The following WDR72 variants were observed in gnomAD, a reference collection of about 807,000 sequenced individuals.
The protein encoded by WDR72 is WD repeat-containing protein 72.
In WDR72, 120 loss-of-function variants were observed where a neutral mutation model predicts 124.2. The observed-to-expected ratio is 0.97, with a 90% CI of 0.83 to 1.12. The LOEUF (loss-of-function observed/expected upper bound fraction) is 1.12, where lower values mean the gene tolerates loss of function less well. Ranked by LOEUF, WDR72 falls within the 50% of genes most tolerant of loss-of-function variation. The pLI, the probability that WDR72 is intolerant of heterozygous loss-of-function variation, is 0.00. For missense variants in WDR72, 1,387 were observed against 1,278.8 expected (o/e 1.08, Z -1.29); for synonymous variants, 452 against 441.7 (o/e 1.02, Z -0.29).
rs2017672510 is a variant in WDR72, at chr15:53,715,336, TCTC to T, written c.368_370del (p.Gly123del). ...TTCTCCACAACAAAGAAGCCAGCCT[TCTC>T]CTGTCATCCGGAATGAGCAGTGGTA... On this transcript the variant is annotated inframe_deletion, in exon 5 of 20. Transcript: ENST00000360509. The T allele has an allele frequency of 6.2e-7, 1 of 1,614,134 alleles. No homozygotes were observed. The highest frequency in any genetic ancestry group is 1.3e-5 in the African/African-American group (1 of 75,040).
rs1018596974 is a variant in WDR72 at position 53,665,708 on chromosome 15, T to C, written c.1826A>G (p.Asp609Gly). ...RARIILNCCD[D>G]SQLVKSVLPI... ...AAGTACAGACTTCACAAGCTGTGAA[T>C]CATCACAACAATTAAGAATAATTCG... is the stretch of plus-strand genomic sequence containing the variant. The change falls in exon 14 of 20, where the codon GAT becomes GGT. Residue 609 changes from aspartate to glycine, a missense_variant. Physicochemically the swap from Asp to Gly is moderately conservative, Grantham distance 94. Coordinates refer to ENST00000360509, the MANE Select transcript of WDR72 (RefSeq NM_182758.4). 1.2e-6 allele frequency: 2 copies of C among 1,613,950 alleles called. No homozygotes were observed. Among genetic ancestry groups the C allele is most frequent in the Non-Finnish European group, 1.7e-6 (2 of 1,179,880 alleles).
At chr15:53,626,872 A>G (rs2014232727) in intron 14 of WDR72, among the ~76,000 whole-genome samples, 1 of 152,222 alleles carries the variant, frequency 6.6e-6, no homozygotes, top group Admixed American at 6.5e-5. Context: ...CTACAACCAT[A>G]AAATAGATTG....
intron 2 of WDR72, among the ~76,000 whole-genome samples, chr15:53,728,481 G>T (rs559404853): frequency 2.0e-5 from 3 of 152,144 alleles, no homozygotes; most frequent in Non-Finnish European, 4.4e-5. Context: ...CATTTCACAG[G>T]TGAGGAAATT....
intron 17 of WDR72, among the ~76,000 whole-genome samples, chr15:53,600,999 A>T (rs187055938): frequency 8.5e-4 from 130 of 152,186 alleles, no homozygotes; most frequent in Admixed American, 1.7e-3. Context: ...TCTTCCCCCA[A>T]CCTTAAAGGT....
intron 1 of WDR72, among the ~76,000 whole-genome samples, chr15:53,746,372 A>C (rs1426505194): frequency 6.6e-6 from 1 of 152,172 alleles, no homozygotes; most frequent in African/African-American, 2.4e-5. Flanking sequence ...CCAACCTCAC[A>C]AACATAGACA....
intron 13 of WDR72, among the ~76,000 whole-genome samples, chr15:53,687,054 T>C (rs1012298663): frequency 6.6e-6 from 1 of 150,808 alleles, no homozygotes; most frequent in Admixed American, 6.6e-5. Context: ...TGGGACGCAT[T>C]CAAAGCACTG....
intron 1 of WDR72, among the ~76,000 whole-genome samples, chr15:53,737,067 G>A (rs1193540620): frequency 6.7e-6 from 1 of 148,418 alleles, no homozygotes; most frequent in Non-Finnish European, 1.5e-5. Context: ...TCTGTTAGCT[G>A]GAGTCTTGGG....
chr15:53,669,015 GAAAA>G, intron 13 of WDR72, among the ~76,000 whole-genome samples: 5 of 133,346 alleles, frequency 3.7e-5, no homozygotes, highest in Non-Finnish European at 6.7e-5. Flanking sequence ...AGGAGAAGGA[GAAAA>G]GAAGAAGGGA....
chr15:53,690,551 G>A lies in WDR72; in HGVS notation c.1765+9199C>T, dbSNP rs185411370. 1.2e-4 allele frequency among the ~76,000 whole-genome samples: 18 copies of A among 152,246 alleles called. 1 individual carries two copies. Among genetic ancestry groups the A allele is most frequent in the Middle Eastern group, 3.4e-3 (1 of 294 alleles). ...AATCATACAATATGTGCATTTTTGT[G>A]TATGTCTGACTTCTTTCACTTAGCA... On this transcript the variant is annotated intron_variant, in intron 13 of 19. Transcript: ENST00000360509.
At position 53,514,124 on chromosome 15, in the gene WDR72, A is replaced by C. The variant is rs193055203; in HGVS notation, c.*3575T>G. The C allele has an allele frequency of 6.6e-6, 1 of 152,244 alleles. No homozygotes were observed. Among genetic ancestry groups the C allele is most frequent in the African/African-American group, 2.4e-5 (1 of 41,468 alleles). 9.4% of individuals were successfully genotyped at this position (152,244 alleles called of 1,614,324 possible). On this transcript the variant is annotated 3_prime_UTR_variant, in exon 20 of 20. Transcript: ENST00000360509. The stretch of plus-strand genomic sequence containing the variant: ...TTTAATTTTGCAACTCTTTTGGTTA[A>C]GCTAATTTTTTAAAATTACAAAAAA...
chr15:53,640,073 A>G (rs897598914), intron 14 of WDR72, among the ~76,000 whole-genome samples: 1 of 152,226 alleles, frequency 6.6e-6, no homozygotes, highest in Admixed American at 6.6e-5. Context: ...AATAAAAACT[A>G]GCACACTTTT....
At chr15:53,564,838 G>C (rs1185242881) in intron 18 of WDR72, among the ~76,000 whole-genome samples, 1 of 151,816 alleles carries the variant, frequency 6.6e-6, no homozygotes. Flanking sequence ...AGGCAAGTAC[G>C]ATAATAAGCT....
chr15:53,750,613 T>C (rs188980993), intron 1 of WDR72, among the ~76,000 whole-genome samples: 4 of 152,320 alleles, frequency 2.6e-5, no homozygotes, highest in Admixed American at 6.5e-5. Context: ...ATTCCTCTGA[T>C]ATACCTGGAC....
chr15:53,714,413 G>C (rs2017645557), intron 6 of WDR72, 21 bp downstream of exon 6: 3 of 1,600,404 alleles, frequency 1.9e-6, no homozygotes, highest in African/African-American at 1.3e-5. Flanking sequence ...AAGGAAAAAA[G>C]AGTAGGGTTC....
chr15:53,747,215 A>G (rs1010527013), intron 1 of WDR72, among the ~76,000 whole-genome samples: 1 of 152,238 alleles, frequency 6.6e-6, no homozygotes, highest in Non-Finnish European at 1.5e-5. Context: ...TTATTATTTT[A>G]TCAACAGATT....
At chr15:53,549,678 A>G (rs1279642453) in intron 18 of WDR72, among the ~76,000 whole-genome samples, 4 of 152,174 alleles carry the variant, frequency 2.6e-5, no homozygotes, top group African/African-American at 9.7e-5. Flanking sequence ...AATTACACCA[A>G]TATAAAGGTG....
chr15:53,751,683 T>C (rs2018777708), intron 1 of WDR72, among the ~76,000 whole-genome samples: 1 of 151,988 alleles, frequency 6.6e-6, no homozygotes, highest in Non-Finnish European at 1.5e-5. Flanking sequence ...ATTTGCTGGT[T>C]TTGTGACCCA....
At chr15:53,655,270 A>C (rs913394913) in intron 14 of WDR72, among the ~76,000 whole-genome samples, 1 of 150,600 alleles carries the variant, frequency 6.6e-6, no homozygotes, top group East Asian at 2.0e-4. Flanking sequence ...AGAGATCTTA[A>C]AGACAATTTG....
At chr15:53,568,969 TA>T (rs1894402091) in intron 18 of WDR72, among the ~76,000 whole-genome samples, 1 of 152,098 alleles carries the variant, frequency 6.6e-6, no homozygotes, top group Non-Finnish European at 1.5e-5. Context: ...ATTTAGCTTG[TA>T]AAATAATGTT....
Sources: allele counts gnomAD v4.1 joint callset (sites outside exome capture counted in the v4.1 genomes callset), GRCh38; gene constraint gnomAD v4.1.1; transcripts MANE v1.5; gene names NCBI Gene and HGNC (gene_info 2026-07-23, HGNC 2026-07-21).